SCN1B: variants seen among roughly 807,000 people sequenced by gnomAD.
SCN1B encodes sodium voltage-gated channel beta subunit 1.
SCN1B carries 11 observed loss-of-function variants against 25.7 expected under a neutral mutation model. The observed-to-expected ratio is 0.43, with a 90% CI of 0.27 to 0.71. The LOEUF is 0.71. Among genes scored for constraint, SCN1B ranks in the 30% least tolerant of loss-of-function variants. SCN1B has a pLI of 0.21. For missense variants in SCN1B, 224 were observed against 291.5 expected (o/e 0.77, Z 1.69); for synonymous variants, 119 against 117.5 (o/e 1.01, Z -0.08).
intron 3 of SCN1B, chr19:35,038,115 T>A (rs180838098): frequency 6.6e-6 from 1 of 152,094 alleles, no homozygotes; most frequent in East Asian, 1.9e-4. Flanking sequence ...AAAGCACTGG[T>A]GCCATCTGCA....
At chr19:35,038,704 T>C (rs879230464) in intron 3 of SCN1B, 1 of 311,982 alleles carries the variant, frequency 3.2e-6, no homozygotes, top group Admixed American at 4.5e-5. Flanking sequence ...CAAGCACTAT[T>C]CTAAGGATTT....
rs1311868494 is a variant in SCN1B at position 35,030,633 on chromosome 19, G to A, written c.-188G>A. 3 of 162,648 alleles carry A rather than the reference G, an allele frequency of 1.8e-5. No individual in the cohort carries two copies. Among genetic ancestry groups the A allele is most frequent in the Non-Finnish European group, 3.9e-5 (3 of 76,556 alleles). The allele number at this position is 162,648 out of a possible 1,614,324, so 10.1% of individuals were successfully genotyped here. A position where few individuals can be genotyped will look rare whatever the true frequency, so the allele number is the denominator to read the frequency against. ...TGCCCGGACGCCGGGCCCCGGGGCT[G>A]GGCCCCCGGCGGTAACCGGAGCGGG... On this transcript the variant is annotated 5_prime_UTR_variant, in exon 1 of 6. Transcript: ENST00000262631.
Position 35,040,160 on chromosome 19 carries a change from C to T in SCN1B, c.*369C>T. 1 of 176,438 alleles carries T rather than the reference C, an allele frequency of 5.7e-6. No individual in the cohort carries two copies. Among genetic ancestry groups the T allele is most frequent in the Non-Finnish European group, 1.2e-5 (1 of 81,288 alleles). The allele number at this position is 176,438 out of a possible 1,614,324, so 10.9% of individuals were successfully genotyped here. A position where few individuals can be genotyped will look rare whatever the true frequency, so the allele number is the denominator to read the frequency against. On this transcript the variant is annotated 3_prime_UTR_variant, in exon 6 of 6. Coordinates refer to ENST00000262631, the MANE Select transcript of SCN1B (RefSeq NM_001037.5). The stretch of plus-strand genomic sequence containing the variant: ...TTCAGACACGCACTTCTGGGGCCAG[C>T]CCCTCCCCGCCTCCTCCCTGCCTGG...
At position 35,039,109 on chromosome 19, in the gene SCN1B, C is replaced by T. The variant is rs748544656; in HGVS notation, c.449-8C>T. On this transcript the variant is annotated splice_region_variant and splice_polypyrimidine_tract_variant and intron_variant, in intron 3 of 5. Coordinates refer to ENST00000262631, the MANE Select transcript of SCN1B (RefSeq NM_001037.5). Reference sequence around the variant, plus strand: ...GGCTACCCCCTTAACCCTGCCTGGCCCCTGCAGCCAACAGAGACATGGCAT... The same window carrying T: ...GGCTACCCCCTTAACCCTGCCTGGCTCCTGCAGCCAACAGAGACATGGCAT... The T allele has an allele frequency of 6.2e-7, 1 of 1,614,020 alleles. No homozygotes were observed. The highest frequency in any genetic ancestry group is 1.3e-5 in the African/African-American group (1 of 74,932).
chr19:35,039,174 T>C lies in SCN1B; in HGVS notation c.506T>C (p.Val169Ala), dbSNP rs1487883672. 9.9e-6 allele frequency: 16 copies of C among 1,613,970 alleles called. No homozygotes were observed. The highest frequency in any genetic ancestry group is 6.6e-5 in the South Asian group (6 of 91,092). Reference sequence around the variant, plus strand: ...ATCATGATGTATGTGCTCATTGTGGTGTTGACCATATGGCTCGTGGCAGAG... The same window carrying C: ...ATCATGATGTATGTGCTCATTGTGGCGTTGACCATATGGCTCGTGGCAGAG... ...SEIMMYVLIV[V>A]LTIWLVAEMI... Residue 169 changes from valine to alanine, a missense_variant, in exon 4 of 6, where the codon GTG becomes GCG. Transcript: ENST00000262631.
intron 2 of SCN1B, 100 bp from the exon 3 acceptor site, chr19:35,033,399 C>T (rs1484067363): frequency 1.0e-5 from 16 of 1,588,092 alleles, no homozygotes; most frequent in Non-Finnish European, 1.3e-5. Context: ...ATCTGTGTGC[C>T]ATCTGTGTTT....
intron 3 of SCN1B, chr19:35,034,150 C>T (rs895595793): frequency 1.1e-5 from 17 of 1,550,500 alleles, no homozygotes; most frequent in Non-Finnish European, 1.5e-5. Flanking sequence ...CAGGCACACG[C>T]CTGGCTTCCA....
At position 35,033,626 on chromosome 19, in the gene SCN1B, C is replaced by G. The variant is rs1311934648; in HGVS notation, c.335C>G (p.Thr112Ser). 6 of 1,614,080 alleles carry G rather than the reference C, an allele frequency of 3.7e-6. No individual in the cohort carries two copies. The highest frequency in any genetic ancestry group is 5.1e-6 in the Non-Finnish European group (6 of 1,180,040). Residue 112 changes from threonine to serine, a missense_variant, in exon 3 of 6, where the codon ACC (threonine) becomes AGC (serine). Coordinates refer to ENST00000262631, the MANE Select transcript of SCN1B (RefSeq NM_001037.5). ...CTGTCTATCTTCATCACCAATGTCA[C>G]CTACAACCACTCGGGCGACTACGAG... ...QDLSIFITNVTYNHSGDYECH... is the reference protein window; with the variant it reads ...QDLSIFITNVSYNHSGDYECH...
chr19:35,030,899 C>A (rs2064209204), intron 1 of SCN1B, 39 bp downstream of exon 1: 2 of 405,788 alleles, frequency 4.9e-6, no homozygotes, highest in Non-Finnish European at 7.2e-6. Context: ...GGGGGCACCG[C>A]GGGGGCACTG....
Position 35,039,140 on chromosome 19 carries a change from G to T in SCN1B, c.472G>T (p.Val158Leu). The T allele has an allele frequency of 1.2e-6, 2 of 1,614,216 alleles. No homozygotes were observed. The highest frequency in any genetic ancestry group is 1.3e-5 in the African/African-American group (1 of 75,064). Residue 158 changes from valine (V) to leucine (L), a missense_variant, in exon 4 of 6, where the codon GTG (valine) becomes TTG (leucine). Transcript: ENST00000262631. ...DKANRDMASIVSEIMMYVLIV... is the reference protein window; with the variant it reads ...DKANRDMASILSEIMMYVLIV... ...AGCCAACAGAGACATGGCATCCATC[G>T]TGTCTGAGATCATGATGTATGTGCT...
chr19:35,031,097 G>A (rs781561639), intron 1 of SCN1B, among the ~76,000 whole-genome samples: 1 of 151,828 alleles, frequency 6.6e-6, no homozygotes. Context: ...GCGGCTGCAG[G>A]CGCCCAGCCG....
At position 35,034,005 on chromosome 19, in the gene SCN1B, G is replaced by A. The variant is rs2151746678; in HGVS notation, c.448+266G>A. On this transcript the variant is annotated intron_variant, in intron 3 of 5. Coordinates refer to ENST00000262631, the MANE Select transcript of SCN1B (RefSeq NM_001037.5). Reference sequence around the variant, plus strand: ...CCCAGCTCTGTCACCTGTGCTGTATGACCTCTGGCAGGTGCCTTCTGTCTC... The same window carrying A: ...CCCAGCTCTGTCACCTGTGCTGTATAACCTCTGGCAGGTGCCTTCTGTCTC... The A allele has an allele frequency of 6.5e-7, 1 of 1,549,434 alleles. No individual in the cohort carries two copies. The highest frequency in any genetic ancestry group is 1.4e-5 in the African/African-American group (1 of 73,136).
rs2151745336 is a variant in SCN1B at position 35,030,828 on chromosome 19, G to T, written c.8G>T (p.Arg3Met). 7 of 1,088,152 alleles carry T rather than the reference G, an allele frequency of 6.4e-6. No homozygotes were observed. Among genetic ancestry groups the T allele is most frequent in the Non-Finnish European group, 8.1e-6 (7 of 862,562 alleles). 67.4% of individuals were successfully genotyped at this position (1,088,152 alleles called of 1,614,324 possible). A position where few individuals can be genotyped will look rare whatever the true frequency, so the allele number is the denominator to read the frequency against. MG[R>M]LLALVVGAAL... ...AGCACGCGCCGCGCAGCCATGGGGA[G>T]GCTGCTGGCCTTAGTGGTCGGCGCG... is the stretch of plus-strand genomic sequence containing the variant. Residue 3 changes from arginine (R) to methionine (M), a missense_variant, in exon 1 of 6, where the codon AGG becomes ATG. By Grantham distance (91) the Arg-to-Met change is moderately conservative. Coordinates refer to ENST00000262631, the MANE Select transcript of SCN1B (RefSeq NM_001037.5).
intron 1 of SCN1B, chr19:35,031,746 C>G (rs1435720701): frequency 6.5e-6 from 1 of 153,264 alleles, no homozygotes; most frequent in African/African-American, 2.4e-5. Flanking sequence ...ACAGCGTTAG[C>G]TACAGAGTGC....
At chr19:35,033,886 C>T (rs763684724) in intron 3 of SCN1B, 147 bp downstream of exon 3, 3 of 1,597,286 alleles carry the variant, frequency 1.9e-6, no homozygotes, top group South Asian at 1.1e-5. Flanking sequence ...GGGGAGCAGC[C>T]CCTCCTGCCC....
chr19:35,039,103 C>A lies in SCN1B; in HGVS notation c.449-14C>A. 1.9e-6 allele frequency: 3 copies of A among 1,614,116 alleles called. No homozygotes were observed. Among genetic ancestry groups the A allele is most frequent in the Non-Finnish European group, 2.5e-6 (3 of 1,180,002 alleles). ...AGCCTGGGCTACCCCCTTAACCCTGCCTGGCCCCTGCAGCCAACAGAGACA... is the reference window on the plus strand; with the variant it reads ...AGCCTGGGCTACCCCCTTAACCCTGACTGGCCCCTGCAGCCAACAGAGACA... On this transcript the variant is annotated splice_polypyrimidine_tract_variant and intron_variant, in intron 3 of 5. Transcript: ENST00000262631.
At chr19:35,038,896 G>A (rs1348544449) in intron 3 of SCN1B, 7 of 595,984 alleles carry the variant, frequency 1.2e-5, no homozygotes, top group South Asian at 8.8e-5. Flanking sequence ...ACCGTGCTGA[G>A]GGCCTCCAGA....
rs538270276 is a variant in SCN1B, at chr19:35,030,745, G to T, written c.-76G>T. The T allele has an allele frequency of 1.8e-4, 82 of 446,554 alleles. No individual in the cohort carries two copies. Among genetic ancestry groups the T allele is most frequent in the African/African-American group, 1.5e-3 (68 of 46,492 alleles). 27.7% of individuals were successfully genotyped at this position (446,554 alleles called of 1,614,324 possible). A position where few individuals can be genotyped will look rare whatever the true frequency, so the allele number is the denominator to read the frequency against. On this transcript the variant is annotated 5_prime_UTR_variant, in exon 1 of 6. Transcript: ENST00000262631. ...CGCTCCCGGGGACATTCTAACCGCC[G>T]CCAGGTCCCGCCGCCTCTCGCCCCG...
chr19:35,030,838 CT>C lies in SCN1B; in HGVS notation c.20del (p.Leu7Ter). On this transcript the variant is annotated frameshift_variant, in exon 1 of 6. Coordinates refer to ENST00000262631, the MANE Select transcript of SCN1B (RefSeq NM_001037.5). LOFTEE classifies it high-confidence loss of function. Reference sequence around the variant, plus strand: ...GCGCAGCCATGGGGAGGCTGCTGGCCTTAGTGGTCGGCGCGGCACTGGGTGA... The same window carrying C: ...GCGCAGCCATGGGGAGGCTGCTGGCCTAGTGGTCGGCGCGGCACTGGGTGA... MGRLLA[L>X]VVGAALVSSA... The C allele has an allele frequency of 5.8e-6, 6 of 1,035,448 alleles. No individual in the cohort carries two copies. The highest frequency in any genetic ancestry group is 7.2e-6 in the Non-Finnish European group (6 of 827,840). The allele number at this position is 1,035,448 out of a possible 1,614,324, so 64.1% of individuals were successfully genotyped here. A position where few individuals can be genotyped will look rare whatever the true frequency, so the allele number is the denominator to read the frequency against.
Sources: allele counts gnomAD v4.1 joint callset (sites outside exome capture counted in the v4.1 genomes callset), GRCh38; gene constraint gnomAD v4.1.1; transcripts MANE v1.5; gene names NCBI Gene and HGNC (gene_info 2026-07-23, HGNC 2026-07-21).